P4HB: variants seen among roughly 807,000 people sequenced by gnomAD.
P4HB encodes prolyl 4-hydroxylase subunit beta, also known as protein disulfide-isomerase.
P4HB carries 20 observed loss-of-function variants against 52.6 expected under a neutral mutation model. The ratio of observed to expected loss-of-function variants is 0.38; its 90% CI spans 0.27 to 0.55. The LOEUF is 0.55. P4HB is among the 20% of genes least tolerant of loss of function. P4HB has a pLI of 0.74. For missense variants in P4HB, 601 were observed against 669.2 expected, an observed-to-expected ratio of 0.90 and a Z score of 1.12; for synonymous variants, 296 against 277.9, an observed-to-expected ratio of 1.07 and a Z score of -0.65.
At chr17:81,851,417 C>T (rs2143338790) in intron 4 of P4HB, among the ~76,000 whole-genome samples, 1 of 152,370 alleles carries the variant, frequency 6.6e-6, no homozygotes, top group East Asian at 1.9e-4. Flanking sequence ...AGGGCACAAG[C>T]ACCAACCACC....
chr17:81,846,598 G>C lies in P4HB; in HGVS notation c.887C>G (p.Thr296Ser), dbSNP rs775955447. ...GAACTCGAGGATGCGCTGGTTGTCG[G>C]TGTGGTCGCTGTCGATGAAGATGAA... ...ILFIFIDSDH[T>S]DNQRILEFFG... is the part of the protein sequence containing the mutation. The change falls in exon 7 of 11, where the codon ACC becomes AGC. Residue 296 changes from threonine to serine, a missense_variant. Thr to Ser is a moderately conservative substitution (Grantham distance 58). Transcript: ENST00000331483. The surrounding 1 kb of genome is among the most constrained non-coding windows in gnomAD (Gnocchi z 5.7). 2 of 1,614,044 alleles carry C rather than the reference G, an allele frequency of 1.2e-6. No homozygotes were observed. Among genetic ancestry groups the C allele is most frequent in the Non-Finnish European group, 1.7e-6 (2 of 1,180,030 alleles).
rs192574557 is a variant in P4HB, at chr17:81,846,420, C to T, written c.1056+9G>A. The T allele has an allele frequency of 6.5e-5, 105 of 1,612,792 alleles. 1 individual carries two copies. The highest frequency in any genetic ancestry group is 4.7e-4 in the South Asian group (43 of 91,080). On this transcript the variant is annotated intron_variant, in intron 7 of 10. Coordinates refer to ENST00000331483, the MANE Select transcript of P4HB (RefSeq NM_000918.4). The surrounding 1 kb of genome is among the most constrained non-coding windows in gnomAD (Gnocchi z 5.7). Reference sequence around the variant, plus strand: ...GGGAGGCAGCCCTGGCCCGGGGACGCGCCTGCACCTTGATTTTGCCCTCCA... The same window carrying T: ...GGGAGGCAGCCCTGGCCCGGGGACGTGCCTGCACCTTGATTTTGCCCTCCA...
At chr17:81,859,698 A>C (rs2038967101) in intron 1 of P4HB, 1 of 427,708 alleles carries the variant, frequency 2.3e-6, no homozygotes, top group Non-Finnish European at 4.3e-6. Flanking sequence ...AACTAAGGCA[A>C]GGATCTCCCC....
chr17:81,848,736 CAAAAAAA>C (rs770133887), intron 4 of P4HB, among the ~76,000 whole-genome samples: 3 of 24,450 alleles, frequency 1.2e-4, no homozygotes, highest in East Asian at 1.2e-3. Flanking sequence ...AACTCTGTCT[CAAAAAAA>C]AAAAAAAAAA....
chr17:81,846,783 G>T lies in P4HB; in HGVS notation c.856-154C>A. ...CCAGACCAGCAGGTGACTGGGAGCA[G>T]AGGTCTGGCCTGGCTGGCCCCTCGC... On this transcript the variant is annotated intron_variant, in intron 6 of 10. Coordinates refer to ENST00000331483, the MANE Select transcript of P4HB (RefSeq NM_000918.4). The surrounding 1 kb of genome is among the most constrained non-coding windows in gnomAD (Gnocchi z 5.7). 1 of 1,201,048 alleles carries T rather than the reference G, an allele frequency of 8.3e-7. No homozygotes were observed. Among genetic ancestry groups the T allele is most frequent in the South Asian group, 1.3e-5 (1 of 74,502 alleles). 74.4% of individuals were successfully genotyped at this position (1,201,048 alleles called of 1,614,324 possible).
At chr17:81,852,037 G>A (rs763236350) in intron 4 of P4HB, among the ~76,000 whole-genome samples, 1 of 152,160 alleles carries the variant, frequency 6.6e-6, no homozygotes. Flanking sequence ...TTAAAAAATA[G>A]CCAGGTGCGG....
chr17:81,853,717 C>G (rs1209804427), intron 4 of P4HB, among the ~76,000 whole-genome samples: 1 of 152,176 alleles, frequency 6.6e-6, no homozygotes, highest in African/African-American at 2.4e-5. Context: ...CTGGAAACGA[C>G]ACAGGACAGG....
Position 81,855,501 on chromosome 17 carries a change from T to C in P4HB, c.438A>G (p.Ala146=), listed in dbSNP as rs1297449053. The change falls in exon 3 of 11, where the codon GCA becomes GCG. Residue 146 remains alanine (A), a synonymous_variant. Transcript: ENST00000331483. The surrounding 1 kb of genome is among the most constrained non-coding windows in gnomAD (Gnocchi z 4.3). The stretch of plus-strand genomic sequence containing the variant: ...CCTCGCTGGACTCCACCAAGGACTC[T>C]GCAGCTGCGCCGTCAGGCAGGGTGG... The part of the protein sequence containing the change: ...AATTLPDGAA[A]ESLVESSEVA... 6.2e-7 allele frequency: 1 copy of C among 1,613,970 alleles called. No homozygotes were observed. Among genetic ancestry groups the C allele is most frequent in the Non-Finnish European group, 8.5e-7 (1 of 1,180,002 alleles).
intron 10 of P4HB, among the ~76,000 whole-genome samples, chr17:81,844,806 C>T (rs543427391): frequency 9.8e-5 from 15 of 152,378 alleles, no homozygotes; most frequent in East Asian, 7.7e-4. Flanking sequence ...GCCCGGGCCC[C>T]GCCAGCGGGC....
At chr17:81,844,412 A>G (rs1598262420) in intron 10 of P4HB, among the ~76,000 whole-genome samples, 1 of 152,210 alleles carries the variant, frequency 6.6e-6, no homozygotes, top group Non-Finnish European at 1.5e-5. Flanking sequence ...GGCACCATGG[A>G]GTCTACAGAG....
intron 2 of P4HB, among the ~76,000 whole-genome samples, chr17:81,857,204 G>A (rs1426019758): frequency 2.0e-5 from 3 of 151,932 alleles, no homozygotes; most frequent in Non-Finnish European, 2.9e-5. Context: ...GCTGGAGTGC[G>A]GTGGCACGAT....
intron 4 of P4HB, among the ~76,000 whole-genome samples, chr17:81,850,495 G>T (rs1334882381): frequency 6.6e-6 from 1 of 150,810 alleles, no homozygotes; most frequent in Non-Finnish European, 1.5e-5. Context: ...TATCTATTTT[G>T]AGACTGAGTT....
At chr17:81,845,062 C>G in intron 10 of P4HB, 82 bp downstream of exon 10, 2 of 1,187,748 alleles carry the variant, frequency 1.7e-6, no homozygotes, top group Admixed American at 1.9e-5. Context: ...ATTCCCATCA[C>G]AAGCCGAGCC....
intron 2 of P4HB, among the ~76,000 whole-genome samples, chr17:81,856,804 C>T (rs2038918460): frequency 6.6e-6 from 1 of 152,106 alleles, no homozygotes; most frequent in South Asian, 2.1e-4. Context: ...CGCCCGCCAC[C>T]ATGCCCAGCT....
intron 4 of P4HB, among the ~76,000 whole-genome samples, chr17:81,854,864 G>A (rs994415479): frequency 5.5e-5 from 8 of 145,610 alleles, no homozygotes; most frequent in African/African-American, 2.0e-4. Context: ...GGCAAATGTT[G>A]TTACATGTTT....
Position 81,860,411 on chromosome 17 carries a change from C to G in P4HB, c.61G>C (p.Glu21Gln). ...AGCACCAGGACGTGGTCCTCCTCCT[C>G]GGGGGCGTCGGCGCGCACCAGGGCG... ...VAALVRADAP[E>Q]EEDHVLVLRK... is the part of the protein sequence containing the mutation. Residue 21 changes from glutamate (E) to glutamine (Q), a missense_variant, in exon 1 of 11, where the codon GAG becomes CAG. Coordinates refer to ENST00000331483, the MANE Select transcript of P4HB (RefSeq NM_000918.4). 1.4e-6 allele frequency: 2 copies of G among 1,437,258 alleles called. No individual in the cohort carries two copies. The highest frequency in any genetic ancestry group is 1.8e-6 in the Non-Finnish European group (2 of 1,092,414). The allele number at this position is 1,437,258 out of a possible 1,614,324, so 89.0% of individuals were successfully genotyped here.
rs755171348 is a variant in P4HB at position 81,859,326 on chromosome 17, C to T, written c.207G>A (p.Lys69=). 2.4e-5 allele frequency: 39 copies of T among 1,613,846 alleles called. No individual in the cohort carries two copies. The highest frequency in any genetic ancestry group is 1.8e-4 in the Admixed American group (11 of 60,000). ...TGATCTCGGAACCTTCTGCCTTCAG[C>T]TTCCCAGCGGCTTTGGCATACTCAG... ...LAPEYAKAAG[K]LKAEGSEIRL... is the part of the protein sequence containing the mutation. The change falls in exon 2 of 11, where the codon AAG becomes AAA. Residue 69 remains lysine (K), a synonymous_variant. Transcript: ENST00000331483.
At position 81,859,319 on chromosome 17, in the gene P4HB, C is replaced by T; in HGVS notation, c.214G>A (p.Ala72Thr). The change falls in exon 2 of 11, where the codon GCA (alanine) becomes ACA (threonine). Residue 72 changes from alanine to threonine, a missense_variant. Transcript: ENST00000331483. ...EYAKAAGKLKAEGSEIRLAKV... is the reference protein window; with the variant it reads ...EYAKAAGKLKTEGSEIRLAKV... ...GCCAACCTGATCTCGGAACCTTCTG[C>T]CTTCAGCTTCCCAGCGGCTTTGGCA... The T allele has an allele frequency of 1.9e-6, 3 of 1,613,970 alleles. No individual in the cohort carries two copies. Among genetic ancestry groups the T allele is most frequent in the Non-Finnish European group, 2.5e-6 (3 of 1,180,022 alleles).
intron 4 of P4HB, among the ~76,000 whole-genome samples, chr17:81,854,457 A>G (rs1410587892): frequency 2.0e-5 from 3 of 151,684 alleles, no homozygotes; most frequent in Non-Finnish European, 1.5e-5. Flanking sequence ...TTAGAGGATC[A>G]CTTGAGCCTG....
Sources: gnomAD v4.1 joint callset for allele counts (sites outside exome capture counted in the v4.1 genomes callset) on GRCh38, gnomAD v4.1.1 for gene constraint, Gnocchi (gnomAD v3.1) non-coding constraint, MANE v1.5 for transcripts, NCBI Gene and HGNC (gene_info 2026-07-23, HGNC 2026-07-21) for gene names.